WDFY3: variants seen among roughly 807,000 people sequenced by gnomAD.
The protein encoded by WDFY3 is WD repeat and FYVE domain-containing protein 3.
Under a neutral mutation model 409.6 loss-of-function variants are expected in WDFY3, and 66 were observed. The ratio of observed to expected loss-of-function variants is 0.16; its 90% confidence interval spans 0.13 to 0.20. The LOEUF (loss-of-function observed/expected upper bound fraction) is 0.20, where lower values mean the gene tolerates loss of function less well. WDFY3 is among the 10% of genes least tolerant of loss of function. WDFY3 has a pLI of 1.00. For synonymous variants in WDFY3, 1,521 were observed against 1,537.1 expected (o/e 0.99, Z 0.25); for missense variants, 3,031 against 4,298.1 (o/e 0.71, Z 8.24).
At chr4:84,761,764 A>C (rs183604738) in intron 32 of WDFY3, among the ~76,000 whole-genome samples, 97 of 152,302 alleles carry the variant, frequency 6.4e-4, no homozygotes, top group African/African-American at 2.3e-3. Flanking sequence ...ACAAATTTAC[A>C]AGAAAAAAAC....
rs766325755 is a variant in WDFY3 at position 84,693,011 on chromosome 4, G to T, written c.8923C>A (p.Pro2975Thr). Reference sequence around the variant, plus strand: ...TTGAGTCGACTTCTCACTCGCTTTGGTGGATGAGGTTTTTTAAATAACTGG... The same window carrying T: ...TTGAGTCGACTTCTCACTCGCTTTGTTGGATGAGGTTTTTTAAATAACTGG... ...PKQLFKKPHP[P>T]KRVRSRLNGD... Residue 2975 changes from proline (P) to threonine (T), a missense_variant, in exon 59 of 68, where the codon CCA (proline) becomes ACA (threonine). This residue lies in a region of WDFY3 where 129 missense variants were observed against 305.3 expected (regional missense o/e 0.42). Coordinates refer to ENST00000295888, the MANE Select transcript of WDFY3 (RefSeq NM_014991.6). 1.9e-6 allele frequency: 3 copies of T among 1,611,484 alleles called. No individual in the cohort carries two copies. The Admixed American group carries it at 5.1e-5, about 27-fold the overall frequency.
chr4:84,777,890 G>T (rs1254429108), intron 27 of WDFY3, among the ~76,000 whole-genome samples: 1 of 152,062 alleles, frequency 6.6e-6, no homozygotes, highest in Non-Finnish European at 1.5e-5. Context: ...AATGGAAAAA[G>T]GATATAAGTG....
chr4:84,734,531 G>C (rs112069861), intron 43 of WDFY3, among the ~76,000 whole-genome samples: 5 of 152,212 alleles, frequency 3.3e-5, no homozygotes, highest in African/African-American at 1.2e-4. Context: ...AAATATTTAA[G>C]ATAAGCTTTT....
At chr4:84,934,106 C>T (rs1771112112) in intron 1 of WDFY3, among the ~76,000 whole-genome samples, 1 of 152,090 alleles carries the variant, frequency 6.6e-6, no homozygotes, top group Non-Finnish European at 1.5e-5. Flanking sequence ...ATACTGTTCT[C>T]TATAATGTCT....
intron 44 of WDFY3, among the ~76,000 whole-genome samples, chr4:84,730,826 G>A (rs542301210): frequency 1.5e-4 from 23 of 151,470 alleles, no homozygotes; most frequent in African/African-American, 5.1e-4. Context: ...TTTAGATGGA[G>A]TTTTGCTCTT....
chr4:84,672,813 A>G lies in WDFY3; in HGVS notation c.*55T>C. On this transcript the variant is annotated 3_prime_UTR_variant, in exon 68 of 68. Transcript: ENST00000295888. ...TTTTCAATGCCTTCCAAGCTGGGAC[A>G]GGAGAATCGGGAAGGGGTCTACAGA... 6.2e-7 allele frequency: 1 copy of G among 1,601,878 alleles called. No homozygotes were observed. Among genetic ancestry groups the G allele is most frequent in the Non-Finnish European group, 8.5e-7 (1 of 1,174,516 alleles).
At chr4:84,882,717 T>C (rs1328610532) in intron 3 of WDFY3, among the ~76,000 whole-genome samples, 1 of 151,190 alleles carries the variant, frequency 6.6e-6, no homozygotes, top group Non-Finnish European at 1.5e-5. Context: ...GTTTCACCTA[T>C]ATTTTTTTTT....
At chr4:84,914,262 A>G (rs1159053356) in intron 2 of WDFY3, among the ~76,000 whole-genome samples, 1 of 152,100 alleles carries the variant, frequency 6.6e-6, no homozygotes, top group Non-Finnish European at 1.5e-5. Flanking sequence ...TCTACTAAAA[A>G]TACAAAAAAT....
chr4:84,883,122 G>A (rs1006435949), intron 3 of WDFY3, among the ~76,000 whole-genome samples: 5 of 152,258 alleles, frequency 3.3e-5, no homozygotes, highest in South Asian at 2.1e-4. Flanking sequence ...AGGGGTAGAC[G>A]AAAAGGAGAG....
At chr4:84,844,485 G>T (rs1757808439) in intron 5 of WDFY3, 2 of 1,289,438 alleles carry the variant, frequency 1.6e-6, no homozygotes, top group Non-Finnish European at 2.0e-6. Flanking sequence ...GAAATCCTTG[G>T]GGGACAGCAG....
intron 34 of WDFY3, 97 bp from the exon 35 acceptor site, chr4:84,753,973 G>T: frequency 7.7e-7 from 1 of 1,291,536 alleles, no homozygotes; most frequent in Non-Finnish European, 1.0e-6. Flanking sequence ...TATGAAACTG[G>T]ATATATTGAT....
In WDFY3 at chr4:84,741,892, C is replaced by G. The variant is rs762644381; in HGVS notation, c.6103G>C (p.Gly2035Arg). ...TTCACCAATACCTGGTAGCTTCCTC[C>G]ACTGGTAATAGGCAGAGATGCATCT... ...GEDASLPITS[G>R]GSYQVLVNNV... The change falls in exon 38 of 68, where the codon GGA becomes CGA. Residue 2035 changes from glycine (G) to arginine (R), a missense_variant. Around this residue, in one of 16 missense-constraint regions of WDFY3, gnomAD observed 314 missense variants for 397.4 expected, o/e 0.79. Coordinates refer to ENST00000295888, the MANE Select transcript of WDFY3 (RefSeq NM_014991.6). The G allele has an allele frequency of 6.2e-7, 1 of 1,606,286 alleles. No individual in the cohort carries two copies.
chr4:84,942,750 G>A (rs140843748), intron 1 of WDFY3, among the ~76,000 whole-genome samples: 165 of 152,158 alleles, frequency 1.1e-3, no homozygotes, highest in Middle Eastern at 6.8e-3. Flanking sequence ...TTCATTTTTC[G>A]ACAGGGTTCT....
chr4:84,718,100 A>G (rs955525902), intron 48 of WDFY3, among the ~76,000 whole-genome samples: 4 of 149,890 alleles, frequency 2.7e-5, no homozygotes, highest in Non-Finnish European at 5.9e-5. Flanking sequence ...TTTCTCTACA[A>G]TTGTATATCT....
chr4:84,746,668 T>C (rs1242743544), intron 36 of WDFY3, among the ~76,000 whole-genome samples: 1 of 152,020 alleles, frequency 6.6e-6, no homozygotes, highest in African/African-American at 2.4e-5. Flanking sequence ...GTCTAACTTT[T>C]CAAGGACTTA....
intron 56 of WDFY3, among the ~76,000 whole-genome samples, chr4:84,699,745 T>C (rs948564136): frequency 2.6e-5 from 4 of 152,058 alleles, no homozygotes; most frequent in African/African-American, 9.7e-5. Context: ...CCCATTATGG[T>C]CATCCTAGTA....
At chr4:84,891,487 T>C (rs573139093) in intron 3 of WDFY3, among the ~76,000 whole-genome samples, 18 of 152,134 alleles carry the variant, frequency 1.2e-4, no homozygotes, top group Non-Finnish European at 2.1e-4. Context: ...CACAACAGAA[T>C]GCCATTTTAA....
chr4:84,935,437 G>A (rs867045454), intron 1 of WDFY3, among the ~76,000 whole-genome samples: 9 of 152,058 alleles, frequency 5.9e-5, no homozygotes, highest in African/African-American at 1.7e-4. Context: ...GTCTTAGTTC[G>A]CACTTCCTTG....
chr4:84,872,170 T>A (rs1015704800), intron 3 of WDFY3, among the ~76,000 whole-genome samples: 1 of 151,998 alleles, frequency 6.6e-6, no homozygotes, highest in Non-Finnish European at 1.5e-5. Context: ...AGGGGAACCA[T>A]TAAGTTTAAT....
Sources: gnomAD v4.1 joint callset for allele counts (sites outside exome capture counted in the v4.1 genomes callset) on GRCh38, gnomAD v4.1.1 for gene constraint, gnomAD v4.1.1 regional missense constraint, MANE v1.5 for transcripts, NCBI Gene and HGNC (gene_info 2026-07-23, HGNC 2026-07-21) for gene names.